The following MCC variants were observed in gnomAD, a reference collection of about 807,000 sequenced individuals.
MCC encodes the protein MCC regulator of Wnt signaling pathway.
MCC carries 90 observed loss-of-function variants against 116.2 expected under a neutral mutation model. That is an observed-to-expected ratio of 0.77 (90% CI 0.65 to 0.92). The LOEUF (loss-of-function observed/expected upper bound fraction) is 0.92. Among genes scored for constraint, MCC ranks in the 40% least tolerant of loss-of-function variants. The pLI, the probability that MCC is intolerant of heterozygous loss-of-function variation, is 0.00. For synonymous variants in MCC, 578 were observed against 510.5 expected, an observed-to-expected ratio of 1.13 and a Z score of -1.78; for missense variants, 1,516 against 1,312.2, an observed-to-expected ratio of 1.16 and a Z score of -2.40.
chr5:113,195,216 C>T (rs111544457), intron 3 of MCC, among the ~76,000 whole-genome samples: 2 of 152,226 alleles, frequency 1.3e-5, no homozygotes, highest in Admixed American at 6.5e-5. Flanking sequence ...CATGCTGCAA[C>T]AGCAGCATTC....
At chr5:113,123,495 T>G (rs148273560) in intron 5 of MCC, among the ~76,000 whole-genome samples, 1 of 152,308 alleles carries the variant, frequency 6.6e-6, no homozygotes, top group Non-Finnish European at 1.5e-5. Flanking sequence ...AATTTACACT[T>G]GCTAACAGGA....
At chr5:113,079,672 G>T (rs1295245735) in intron 11 of MCC, among the ~76,000 whole-genome samples, 4 of 152,226 alleles carry the variant, frequency 2.6e-5, no homozygotes, top group Admixed American at 2.0e-4. Context: ...ATGGATTAAA[G>T]ATTTAAATGT....
chr5:113,149,845 T>C (rs556198478), intron 4 of MCC, among the ~76,000 whole-genome samples: 2 of 152,248 alleles, frequency 1.3e-5, no homozygotes, highest in East Asian at 1.9e-4. Flanking sequence ...CTGAGTGGCA[T>C]CAGCTTGGGG....
chr5:113,452,070 A>G (rs968006661), intron 1 of MCC, among the ~76,000 whole-genome samples: 2 of 152,160 alleles, frequency 1.3e-5, no homozygotes, highest in African/African-American at 4.8e-5. Flanking sequence ...CTCTTTCCTC[A>G]TGATTTGTCC....
At chr5:113,134,555 CTTTTTTTTT>C in intron 5 of MCC, among the ~76,000 whole-genome samples, 2 of 30,122 alleles carry the variant, frequency 6.6e-5, no homozygotes, top group East Asian at 3.0e-3. Context: ...GCTATTTGGG[CTTTTTTTTT>C]TTTTTTTTTT....
Position 113,023,145 on chromosome 5 carries a change from G to A in MCC, c.*4157C>T, listed in dbSNP as rs1484859867. The A allele has an allele frequency of 1.3e-5, 2 of 152,192 alleles. No individual in the cohort carries two copies. The highest frequency in any genetic ancestry group is 2.9e-5 in the Non-Finnish European group (2 of 68,028). The allele number at this position is 152,192 out of a possible 1,614,324, so 9.4% of individuals were successfully genotyped here. A position where few individuals can be genotyped will look rare whatever the true frequency, so the allele number is the denominator to read the frequency against. On this transcript the variant is annotated 3_prime_UTR_variant, in exon 19 of 19. Coordinates refer to ENST00000408903, the MANE Select transcript of MCC (RefSeq NM_001085377.2). ...TTCTTAGAGAATACAAATGTATTAA[G>A]TTAGAGTAATTTCAGGTGTGTTAAA...
At chr5:113,174,958 TCAC>T (rs1561428004) in intron 3 of MCC, among the ~76,000 whole-genome samples, 1 of 152,156 alleles carries the variant, frequency 6.6e-6, no homozygotes, top group Non-Finnish European at 1.5e-5. Context: ...GAGAAAATGT[TCAC>T]CACATTTATA....
intron 1 of MCC, among the ~76,000 whole-genome samples, chr5:113,472,740 A>G (rs1183593409): frequency 6.6e-6 from 1 of 152,206 alleles, no homozygotes; most frequent in African/African-American, 2.4e-5. Flanking sequence ...TCAAAATGCA[A>G]TATTTTTTGT....
At chr5:113,419,213 G>A (rs182536215) in intron 1 of MCC, among the ~76,000 whole-genome samples, 3 of 150,860 alleles carry the variant, frequency 2.0e-5, no homozygotes, top group Non-Finnish European at 4.4e-5. Context: ...ACTCAGGCTG[G>A]AGTGTGGAGT....
chr5:113,120,821 A>C (rs779493277), intron 6 of MCC, among the ~76,000 whole-genome samples: 1 of 152,354 alleles, frequency 6.6e-6, no homozygotes, highest in Admixed American at 6.5e-5. Context: ...GCTTTTCTTC[A>C]GCCCAGGTCT....
At chr5:113,395,835 T>C (rs975020144) in intron 1 of MCC, among the ~76,000 whole-genome samples, 1 of 152,122 alleles carries the variant, frequency 6.6e-6, no homozygotes, top group African/African-American at 2.4e-5. Flanking sequence ...GGGTGATTAA[T>C]TAAAATATTT....
chr5:113,301,896 A>G (rs1766870684), intron 3 of MCC, among the ~76,000 whole-genome samples: 1 of 152,242 alleles, frequency 6.6e-6, no homozygotes, highest in African/African-American at 2.4e-5. Flanking sequence ...TAGACTACAC[A>G]TTTCACTGTG....
At chr5:113,207,914 G>A (rs1762977742) in intron 3 of MCC, among the ~76,000 whole-genome samples, 1 of 152,168 alleles carries the variant, frequency 6.6e-6, no homozygotes, top group Admixed American at 6.5e-5. Context: ...ATCAGCAGAG[G>A]TGGGGCCTGA....
Position 113,049,167 on chromosome 5 carries a change from C to A in MCC, c.2581G>T (p.Val861Leu). 2 of 1,614,210 alleles carry A rather than the reference C, an allele frequency of 1.2e-6. No individual in the cohort carries two copies. Among genetic ancestry groups the A allele is most frequent in the South Asian group, 1.1e-5 (1 of 91,088 alleles). ...LVHIEHLKSE[V>L]EEQKEQRMRS... ...ATCCGCTGCTCCTTCTGCTCCTCCA[C>A]CTCGGACTTCAGGTGCTCAATGTGC... Residue 861 changes from valine to leucine, a missense_variant, in exon 16 of 19, where the codon GTG becomes TTG. By Grantham distance (32) the Val-to-Leu change is conservative. Transcript: ENST00000408903.
rs199741976 is a variant in MCC, at chr5:113,488,357, C to T, written c.58G>A (p.Gly20Ser). The T allele has an allele frequency of 1.6e-4, 222 of 1,397,468 alleles. 6 individuals are homozygous for T. The highest frequency in any genetic ancestry group is 1.2e-3 in the East Asian group (36 of 30,842). 86.6% of individuals were successfully genotyped at this position (1,397,468 alleles called of 1,614,324 possible). The change falls in exon 1 of 19, where the codon GGC (glycine) becomes AGC (serine). Residue 20 changes from glycine to serine, a missense_variant. By Grantham distance (56) the Gly-to-Ser change is moderately conservative. Transcript: ENST00000408903. ...CTGCTGCTGCTGCTGCCGCTGCCGCCGCCGCCGCCGCCGCTGCTGGAGCTC... is the reference window on the plus strand; with the variant it reads ...CTGCTGCTGCTGCTGCCGCTGCCGCTGCCGCCGCCGCCGCTGCTGGAGCTC... ...AGSSSSGGGGGGSGSSSSSSD... is the reference protein window; with the variant it reads ...AGSSSSGGGGSGSGSSSSSSD...
chr5:113,430,543 G>A lies in MCC; in HGVS notation c.171-45331C>T, dbSNP rs115090843. 2.4e-3 allele frequency among the ~76,000 whole-genome samples: 373 copies of A among 152,328 alleles called. 1 individual carries two copies. Among genetic ancestry groups the A allele is most frequent in the Non-Finnish European group, 4.0e-3 (270 of 68,026 alleles). On this transcript the variant is annotated intron_variant, in intron 1 of 18. Coordinates refer to ENST00000408903, the MANE Select transcript of MCC (RefSeq NM_001085377.2). ...GCAGTGTATGAAAGACAGGCTGGAA[G>A]CTAGACAGAGTAAACAGGAAGGACA...
At chr5:113,283,793 G>A (rs1160665772) in intron 3 of MCC, among the ~76,000 whole-genome samples, 1 of 152,150 alleles carries the variant, frequency 6.6e-6, no homozygotes, top group African/African-American at 2.4e-5. Flanking sequence ...ACTAATTACA[G>A]TTGATCATTG....
chr5:113,305,106 C>T lies in MCC; in HGVS notation c.627+35413G>A, dbSNP rs1029623555. Among the ~76,000 whole-genome samples the T allele has an allele frequency of 1.4e-4, 22 of 152,098 alleles. No individual in the cohort carries two copies. In the Middle Eastern group the frequency reaches 0.014, roughly 94 times the overall value. On this transcript the variant is annotated intron_variant, in intron 3 of 18. Transcript: ENST00000408903. ...ATCAAGCTGAGGGGTGAAGGAAGGT[C>T]TGAGGCACAGGCTGGGAAAGCCACC...
intron 3 of MCC, among the ~76,000 whole-genome samples, chr5:113,228,523 A>G (rs1462867894): frequency 6.6e-6 from 1 of 152,202 alleles, no homozygotes; most frequent in African/African-American, 2.4e-5. Flanking sequence ...TTGAAATGCT[A>G]GAGGAACAGC....
Sources: gnomAD v4.1 joint callset for allele counts (sites outside exome capture counted in the v4.1 genomes callset) on GRCh38, gnomAD v4.1.1 for gene constraint, MANE v1.5 for transcripts, NCBI Gene and HGNC (gene_info 2026-07-23, HGNC 2026-07-21) for gene names.